ZDHHC11B: variants seen among roughly 807,000 people sequenced by gnomAD.
ZDHHC11B encodes the protein probable palmitoyltransferase ZDHHC11B.
Under a neutral mutation model 42.3 loss-of-function variants are expected in ZDHHC11B, and 17 were observed. The observed-to-expected ratio is 0.40, with a 90% CI of 0.27 to 0.60. The LOEUF is 0.60. ZDHHC11B is among the 20% of genes least tolerant of loss of function. The pLI is 0.41. For synonymous variants in ZDHHC11B, 123 were observed against 193.5 expected (o/e 0.64, Z 3.02); for missense variants, 262 against 463.2 (o/e 0.57, Z 3.99).
At chr5:776,473 C>T (rs1302757476) in intron 1 of ZDHHC11B, among the ~76,000 whole-genome samples, 1 of 151,912 alleles carries the variant, frequency 6.6e-6, no homozygotes, top group Non-Finnish European at 1.5e-5. Context: ...AGGCCCCTGG[C>T]CAGCAGGGCT....
chr5:763,457 T>TA (rs1441722827), intron 4 of ZDHHC11B, among the ~76,000 whole-genome samples: 1 of 151,808 alleles, frequency 6.6e-6, no homozygotes, highest in Non-Finnish European at 1.5e-5. Flanking sequence ...ATAGCTTTTT[T>TA]ATCAAAGAAA....
intron 11 of ZDHHC11B, chr5:732,042 C>G (rs781520162): frequency 6.6e-6 from 1 of 152,296 alleles, no homozygotes; most frequent in Non-Finnish European, 1.5e-5. Flanking sequence ...TTCCATTCAT[C>G]GAGTCAGGGT....
Position 751,120 on chromosome 5 carries a change from G to C in ZDHHC11B, c.628+13C>G. 8.4e-7 allele frequency: 1 copy of C among 1,190,138 alleles called. No individual in the cohort carries two copies. Among genetic ancestry groups the C allele is most frequent in the Non-Finnish European group, 1.1e-6 (1 of 898,916 alleles). 73.7% of individuals were successfully genotyped at this position (1,190,138 alleles called of 1,614,324 possible). A position where few individuals can be genotyped will look rare whatever the true frequency, so the allele number is the denominator to read the frequency against. On this transcript the variant is annotated intron_variant, in intron 7 of 13. Coordinates refer to ENST00000508859, the MANE Select transcript of ZDHHC11B (RefSeq NM_001351303.2). ...GGCGAGGATGAGGCCCCTTGAGAGC[G>C]GCGGCCACGTACCTTCATACCTGGG...
chr5:715,765 T>A (rs61436794), intron 13 of ZDHHC11B, among the ~76,000 whole-genome samples: 105,125 of 149,614 alleles, frequency 0.7, 35,437 homozygotes, highest in African/African-American at 0.9. Flanking sequence ...TTCACAGGAT[T>A]TACACAGAAC....
In ZDHHC11B at chr5:765,584, G is replaced by A. The variant is rs560111327; in HGVS notation, c.222+1114C>T. Reference sequence around the variant, plus strand: ...AAGGGAATAAAAGCAGGCTGCTCAAGCCAGTAGCAGCAAACTGCTTGGGTT... The same window carrying A: ...AAGGGAATAAAAGCAGGCTGCTCAAACCAGTAGCAGCAAACTGCTTGGGTT... On this transcript the variant is annotated intron_variant, in intron 4 of 13. Transcript: ENST00000508859. Among the ~76,000 whole-genome samples, 3 of 152,044 alleles carry A rather than the reference G, an allele frequency of 2.0e-5. No individual in the cohort carries two copies. In the East Asian group the frequency reaches 5.8e-4, roughly 29 times the overall value.
chr5:751,430 C>G (rs1267756127), intron 6 of ZDHHC11B, among the ~76,000 whole-genome samples, 173 bp from the exon 7 acceptor site: 1 of 35,802 alleles, frequency 2.8e-5, no homozygotes, highest in Non-Finnish European at 5.8e-5. Context: ...GGTGTGGGGG[C>G]GGGGAGGCAG....
chr5:719,384 AAT>A (rs1208644715), intron 12 of ZDHHC11B, among the ~76,000 whole-genome samples: 1 of 151,722 alleles, frequency 6.6e-6, no homozygotes, highest in Non-Finnish European at 1.5e-5. Context: ...AGCTGTCTTA[AAT>A]ATGCTCAGTA....
At chr5:757,612 C>A (rs1312735100) in intron 4 of ZDHHC11B, among the ~76,000 whole-genome samples, 2 of 151,912 alleles carry the variant, frequency 1.3e-5, no homozygotes, top group Non-Finnish European at 2.9e-5. Context: ...GAAGCTGGTT[C>A]CGACTGAAAT....
rs933101066 is a variant in ZDHHC11B, at chr5:710,371, T to C, written c.*1919A>G. On this transcript the variant is annotated 3_prime_UTR_variant, in exon 14 of 14. Transcript: ENST00000508859. ...ACAGCCCAATGCATGTAGTAACTTA[T>C]AGATATATTTAGAAAACTGATTATC... The C allele has an allele frequency of 2.6e-5, 4 of 152,640 alleles. No homozygotes were observed. Among genetic ancestry groups the C allele is most frequent in the African/African-American group, 4.8e-5 (2 of 41,394 alleles). 9.5% of individuals were successfully genotyped at this position (152,640 alleles called of 1,614,324 possible).
chr5:715,867 C>T (rs376471702), intron 13 of ZDHHC11B, among the ~76,000 whole-genome samples: 6 of 151,666 alleles, frequency 4.0e-5, no homozygotes, highest in East Asian at 1.9e-4. Flanking sequence ...GGCACCCAGA[C>T]GGCTGTGGGA....
intron 1 of ZDHHC11B, among the ~76,000 whole-genome samples, chr5:784,082 G>C (rs1169288977): frequency 6.6e-6 from 1 of 151,412 alleles, no homozygotes; most frequent in Non-Finnish European, 1.5e-5. Context: ...GCCAAGGCCC[G>C]GGGCAGCTGG....
chr5:762,929 T>C (rs1734811501), intron 4 of ZDHHC11B, among the ~76,000 whole-genome samples: 1 of 151,468 alleles, frequency 6.6e-6, no homozygotes, highest in African/African-American at 2.4e-5. Context: ...GAAGAAGAGG[T>C]AGGAAGACAC....
At chr5:774,804 C>A (rs1179564610) in intron 1 of ZDHHC11B, among the ~76,000 whole-genome samples, 1 of 151,754 alleles carries the variant, frequency 6.6e-6, no homozygotes, top group African/African-American at 2.4e-5. Flanking sequence ...GAGCCTGTAA[C>A]TAGGGCCTGG....
At chr5:714,898 T>A (rs3882429) in intron 13 of ZDHHC11B, among the ~76,000 whole-genome samples, 14 of 151,066 alleles carry the variant, frequency 9.3e-5, no homozygotes, top group South Asian at 2.1e-4. Flanking sequence ...GTTCATGCTC[T>A]AGTACTTCTT....
Position 710,405 on chromosome 5 carries a change from T to C in ZDHHC11B, c.*1885A>G, listed in dbSNP as rs1345936837. The stretch of plus-strand genomic sequence containing the variant: ...TTAGAAAACTGATTATCTTTTAAAA[T>C]ATGACTACTAAACAGACTAAAACGC... On this transcript the variant is annotated 3_prime_UTR_variant, in exon 14 of 14. Transcript: ENST00000508859. The C allele has an allele frequency of 1.3e-5, 2 of 153,484 alleles. 1 individual carries two copies. Among genetic ancestry groups the C allele is most frequent in the Non-Finnish European group, 2.9e-5 (2 of 68,156 alleles). 9.5% of individuals were successfully genotyped at this position (153,484 alleles called of 1,614,324 possible).
intron 1 of ZDHHC11B, among the ~76,000 whole-genome samples, chr5:775,648 G>A (rs1294491089): frequency 1.7e-5 from 2 of 114,682 alleles, no homozygotes; most frequent in African/African-American, 8.4e-5. Flanking sequence ...TGGGTTCCCT[G>A]GTGATTTGGA....
At chr5:764,439 C>T (rs1312739228) in intron 4 of ZDHHC11B, among the ~76,000 whole-genome samples, 10 of 151,870 alleles carry the variant, frequency 6.6e-5, no homozygotes, top group African/African-American at 1.4e-4. Flanking sequence ...ATGGGCTCAG[C>T]GGGCCCTGCA....
At chr5:727,976 CA>C (rs111553832) in intron 12 of ZDHHC11B, among the ~76,000 whole-genome samples, 25 of 151,002 alleles carry the variant, frequency 1.7e-4, no homozygotes, top group African/African-American at 6.1e-4. Context: ...ACGATAAACA[CA>C]AAATTTTAAA....
intron 8 of ZDHHC11B, among the ~76,000 whole-genome samples, chr5:746,441 C>A (rs187498935): frequency 7.6e-6 from 1 of 131,792 alleles, no homozygotes; most frequent in Non-Finnish European, 1.7e-5. Flanking sequence ...CAGGCCTGGG[C>A]GTCCTGCTTC....
Sources: allele counts gnomAD v4.1 joint callset (sites outside exome capture counted in the v4.1 genomes callset), GRCh38; gene constraint gnomAD v4.1.1; transcripts MANE v1.5; gene names NCBI Gene and HGNC (gene_info 2026-07-23, HGNC 2026-07-21).